The following TSC2 variants were observed in gnomAD, a reference collection of about 807,000 sequenced individuals.
TSC2 encodes TSC complex subunit 2.
Under a neutral mutation model 202.2 loss-of-function variants are expected in TSC2, and 29 were observed. That is an observed-to-expected ratio of 0.14 (90% CI 0.11 to 0.20). The LOEUF is 0.20. Ranked by LOEUF, TSC2 falls within the 10% of genes least tolerant of loss-of-function variation. The pLI is 1.00. For missense variants in TSC2, 2,429 were observed against 2,420.0 expected (o/e 1.00, Z -0.08); for synonymous variants, 1,349 against 1,044.0 (o/e 1.29, Z -5.63).
intron 10 of TSC2, among the ~76,000 whole-genome samples, chr16:2,059,622 C>T (rs2086384079): frequency 6.6e-6 from 1 of 150,824 alleles, no homozygotes; most frequent in Non-Finnish European, 1.5e-5. Flanking sequence ...CAGGTTCAAG[C>T]CATTCTCCTG....
At chr16:2,072,453 C>T (rs1043802860) in intron 20 of TSC2, 90 bp downstream of exon 20, 16 of 1,562,298 alleles carry the variant, frequency 1.0e-5, no homozygotes, top group Non-Finnish European at 1.3e-5. Context: ...GAGTGAGACC[C>T]TTCGGGCTCG....
chr16:2,072,749 C>G, intron 20 of TSC2, 100 bp from the exon 21 acceptor site: 3 of 1,593,252 alleles, frequency 1.9e-6, no homozygotes, highest in Non-Finnish European at 8.6e-7. Context: ...CCCCTTTGCC[C>G]CCTTTCCTGG....
In TSC2 at chr16:2,073,105, C is replaced by G; in HGVS notation, c.2355+122C>G. ...GCCAGGCCAGGGATGAGTGAGTTGG[C>G]TCTGCTTCCCTGGGTGGCTGCCAGA... On this transcript the variant is annotated intron_variant, in intron 21 of 41. Transcript: ENST00000219476. The G allele has an allele frequency of 3.4e-6, 5 of 1,479,554 alleles. 1 individual carries two copies. The South Asian group carries it at 4.8e-5, about 14-fold the overall frequency. The allele number at this position is 1,479,554 out of a possible 1,614,324, so 91.7% of individuals were successfully genotyped here.
Position 2,084,327 on chromosome 16 carries a change from C to T in TSC2, c.4105C>T (p.Arg1369Trp), listed in dbSNP as rs45517328. Residue 1369 changes from arginine to tryptophan, a missense_variant, in exon 34 of 42, where the codon CGG becomes TGG. Coordinates refer to ENST00000219476, the MANE Select transcript of TSC2 (RefSeq NM_000548.5). Reference sequence around the variant, plus strand: ...GCGAGTCGTCTCCTCGGAGGGTGGCCGGCCCTCTGTGGACCTCTCCTTCCA... The same window carrying T: ...GCGAGTCGTCTCCTCGGAGGGTGGCTGGCCCTCTGTGGACCTCTCCTTCCA... ...IERVVSSEGG[R>W]PSVDLSFQPS... is the part of the protein sequence containing the mutation. The T allele has an allele frequency of 4.0e-4, 648 of 1,612,600 alleles. No homozygotes were observed. The highest frequency in any genetic ancestry group is 5.1e-4 in the Non-Finnish European group (600 of 1,179,990).
Position 2,088,905 on chromosome 16 carries a change from C to T in TSC2, c.*295C>T, listed in dbSNP as rs886297772. On this transcript the variant is annotated 3_prime_UTR_variant, in exon 42 of 42. Coordinates refer to ENST00000219476, the MANE Select transcript of TSC2 (RefSeq NM_000548.5). Reference sequence around the variant, plus strand: ...CGCACACACACACACACACAGTCACCTTCCTCCACCCTGGGAGCCAGCCCC... The same window carrying T: ...CGCACACACACACACACACAGTCACTTTCCTCCACCCTGGGAGCCAGCCCC... The T allele has an allele frequency of 2.0e-5, 8 of 406,384 alleles. No homozygotes were observed. Among genetic ancestry groups the T allele is most frequent in the East Asian group, 8.7e-5 (2 of 22,894 alleles). The allele number at this position is 406,384 out of a possible 1,614,324, so 25.2% of individuals were successfully genotyped here. A position where few individuals can be genotyped will look rare whatever the true frequency, so the allele number is the denominator to read the frequency against.
At chr16:2,049,059 T>C (rs1567382410) in intron 2 of TSC2, among the ~76,000 whole-genome samples, 1 of 152,092 alleles carries the variant, frequency 6.6e-6, no homozygotes, top group Non-Finnish European at 1.5e-5. Flanking sequence ...CATGATAAGA[T>C]GTGAGTTCCT....
rs751203255 is a variant in TSC2 at position 2,084,309 on chromosome 16, G to A, written c.4087G>A (p.Val1363Ile). The A allele has an allele frequency of 1.1e-5, 18 of 1,612,630 alleles. No individual in the cohort carries two copies. The highest frequency in any genetic ancestry group is 5.5e-5 in the South Asian group (5 of 91,076). Residue 1363 changes from valine (V) to isoleucine (I), a missense_variant, in exon 34 of 42, where the codon GTC becomes ATC. Physicochemically the swap from Val to Ile is conservative, Grantham distance 29 (BLOSUM62 3). Transcript: ENST00000219476. Reference protein sequence around the residue: ...VGRGIPIERVVSSEGGRPSVD... With the variant: ...VGRGIPIERVISSEGGRPSVD... Reference sequence around the variant, plus strand: ...CAGGGGCATCCCCATCGAGCGAGTCGTCTCCTCGGAGGGTGGCCGGCCCTC... The same window carrying A: ...CAGGGGCATCCCCATCGAGCGAGTCATCTCCTCGGAGGGTGGCCGGCCCTC...
intron 16 of TSC2, among the ~76,000 whole-genome samples, chr16:2,066,807 C>T (rs886160358): frequency 6.6e-6 from 1 of 151,826 alleles, no homozygotes; most frequent in Non-Finnish European, 1.5e-5. Flanking sequence ...ATTACAGGCA[C>T]CTGCCAACAT....
Position 2,083,674 on chromosome 16 carries a change from GC to G in TSC2, c.3884-17del, listed in dbSNP as rs2090411131. On this transcript the variant is annotated intron_variant, in intron 32 of 41. Transcript: ENST00000219476. ...GCCTGGCCCAGCCCCACATCCAGCA[GC>G]CCCGTCTGTGTCCTCCCAGACTCCG... 1 of 1,567,416 alleles carries G rather than the reference GC, an allele frequency of 6.4e-7. No homozygotes were observed. Among genetic ancestry groups the G allele is most frequent in the African/African-American group, 1.3e-5 (1 of 74,272 alleles).
Position 2,088,431 on chromosome 16 carries a change from CGCCTCT to C in TSC2, c.5260-10_5260-5del, listed in dbSNP as rs778133480. On this transcript the variant is annotated splice_polypyrimidine_tract_variant and intron_variant, in intron 41 of 41. Transcript: ENST00000219476. ...CGCCTCCCAGACTTACTGCCCAAGC[CGCCTCT>C]GCCTTCAGATCTGCGAGGAAGCCGC... is the stretch of plus-strand genomic sequence containing the variant. The C allele has an allele frequency of 1.9e-6, 3 of 1,612,744 alleles. No homozygotes were observed. The highest frequency in any genetic ancestry group is 2.2e-5 in the South Asian group (2 of 91,084).
chr16:2,078,906 C>T lies in TSC2; in HGVS notation c.2967-126C>T, dbSNP rs371085879. ...AAGCTGAGGCTCGCTGGGCCGCCCA[C>T]GCCCTGTTGGGGTCTTTCCGAGCGA... On this transcript the variant is annotated intron_variant, in intron 26 of 41. Coordinates refer to ENST00000219476, the MANE Select transcript of TSC2 (RefSeq NM_000548.5). The T allele has an allele frequency of 5.0e-5, 65 of 1,302,568 alleles. No individual in the cohort carries two copies. The African/African-American group carries it at 5.9e-4, about 12-fold the overall frequency. The allele number at this position is 1,302,568 out of a possible 1,614,324, so 80.7% of individuals were successfully genotyped here.
Position 2,086,393 on chromosome 16 carries a change from C to T in TSC2, c.4849+14C>T, listed in dbSNP as rs2090793588. 1.9e-6 allele frequency: 3 copies of T among 1,609,912 alleles called. No homozygotes were observed. The highest frequency in any genetic ancestry group is 1.1e-5 in the South Asian group (1 of 90,676). ...ACATCATGCAAGGTACGGCCTGGCG[C>T]CTACCCGCTCCTGCTGCCCCAGGCC... On this transcript the variant is annotated intron_variant, in intron 37 of 41. Transcript: ENST00000219476.
intron 7 of TSC2, 61 bp downstream of exon 7, chr16:2,056,305 T>A: frequency 6.2e-7 from 1 of 1,608,300 alleles, no homozygotes; most frequent in Non-Finnish European, 8.5e-7. Context: ...AGGCTGGGGC[T>A]TGGGGGTTGA....
At chr16:2,049,180 G>C (rs114419805) in intron 2 of TSC2, among the ~76,000 whole-genome samples, 1 of 152,048 alleles carries the variant, frequency 6.6e-6, no homozygotes, top group Admixed American at 6.6e-5. Flanking sequence ...CTGCCTCCCA[G>C]TTTCAAGTGG....
At position 2,086,781 on chromosome 16, in the gene TSC2, C is replaced by T. The variant is rs1223963841; in HGVS notation, c.4899C>T (p.His1633=). Residue 1633 remains histidine, a synonymous_variant, in exon 38 of 42, where the codon CAC becomes CAT. Coordinates refer to ENST00000219476, the MANE Select transcript of TSC2 (RefSeq NM_000548.5). ...TGCCCACCAAGGACGTGGACAAGCA[C>T]CGCTGCGACAAGAAGCGCCACCTGG... is the stretch of plus-strand genomic sequence containing the variant. ...TLMPTKDVDK[H]RCDKKRHLGN... 1.2e-6 allele frequency: 2 copies of T among 1,611,412 alleles called. No individual in the cohort carries two copies. The highest frequency in any genetic ancestry group is 1.1e-5 in the South Asian group (1 of 91,018).
chr16:2,089,408 A>C lies in TSC2; in HGVS notation c.*798A>C. ...AAGCCAGCAGCCTTAGCAGTGGGGG[A>C]CATCTGCCCAGGGGGTGGGGCCGGG... On this transcript the variant is annotated 3_prime_UTR_variant, in exon 42 of 42. Transcript: ENST00000219476. 1 of 444,432 alleles carries C rather than the reference A, an allele frequency of 2.3e-6. No individual in the cohort carries two copies. The highest frequency in any genetic ancestry group is 4.1e-6 in the Non-Finnish European group (1 of 243,846). The allele number at this position is 444,432 out of a possible 1,614,324, so 27.5% of individuals were successfully genotyped here. A position where few individuals can be genotyped will look rare whatever the true frequency, so the allele number is the denominator to read the frequency against.
rs371125343 is a variant in TSC2 at position 2,088,815 on chromosome 16, G to A, written c.*205G>A. On this transcript the variant is annotated 3_prime_UTR_variant, in exon 42 of 42. Coordinates refer to ENST00000219476, the MANE Select transcript of TSC2 (RefSeq NM_000548.5). ...CCCACAGAAGTGGTACACAGAAGCA[G>A]GCACAGCCAGCTCCGAGGGCCTTGA... 7.8e-5 allele frequency: 54 copies of A among 693,870 alleles called. No homozygotes were observed. In the African/African-American group the frequency reaches 8.5e-4, roughly 11 times the overall value. 43.0% of individuals were successfully genotyped at this position (693,870 alleles called of 1,614,324 possible).
intron 21 of TSC2, 102 bp downstream of exon 21, chr16:2,073,085 GC>G (rs1231803047): frequency 3.2e-6 from 5 of 1,560,046 alleles, no homozygotes; most frequent in Middle Eastern, 2.0e-4. Flanking sequence ...TTTCTGCCAG[GC>G]CAGGGATGAG....
At position 2,071,822 on chromosome 16, in the gene TSC2, C is replaced by G; in HGVS notation, c.1985C>G (p.Pro662Arg). The change falls in exon 19 of 42, where the codon CCC (proline) becomes CGC (arginine). Residue 662 changes from proline (P) to arginine (R), a missense_variant. Transcript: ENST00000219476. ...ERGSEKKTSG[P>R]LSPPTGPPGP... ...GGCTCTGAGAAGAAGACCAGCGGCCCCCTTTCTCCTCCCACAGGGCCTCCT... is the reference window on the plus strand; with the variant it reads ...GGCTCTGAGAAGAAGACCAGCGGCCGCCTTTCTCCTCCCACAGGGCCTCCT... The G allele has an allele frequency of 6.2e-7, 1 of 1,600,528 alleles. No individual in the cohort carries two copies. The highest frequency in any genetic ancestry group is 1.1e-5 in the South Asian group (1 of 88,788).
Sources: allele counts gnomAD v4.1 joint callset (sites outside exome capture counted in the v4.1 genomes callset), GRCh38; gene constraint gnomAD v4.1.1; transcripts MANE v1.5; gene names NCBI Gene and HGNC (gene_info 2026-07-23, HGNC 2026-07-21).